Variants in TBC1D3L observed in about 807,000 individuals in gnomAD.
The protein encoded by TBC1D3L is TBC1 domain family, member 3L.
intron 12 of TBC1D3L, 135 bp downstream of exon 12, chr17:37,979,885 T>TAA: frequency 3.2e-6 from 1 of 313,200 alleles, no homozygotes; most frequent in Non-Finnish European, 5.4e-6. Flanking sequence ...TGTACTTTCT[T>TAA]AGAGTCCAGG....
chr17:37,978,361 C>CTTAA lies in TBC1D3L; in HGVS notation c.*105_*108dup. 1 of 911,244 alleles carries CTTAA rather than the reference C, an allele frequency of 1.1e-6. No homozygotes were observed. The highest frequency in any genetic ancestry group is 1.6e-5 in the South Asian group (1 of 64,028). 56.4% of individuals were successfully genotyped at this position (911,244 alleles called of 1,614,324 possible). The stretch of plus-strand genomic sequence containing the variant: ...GAATCTCTCTCGAGCTGCACTCTTT[C>CTTAA]TTAATACATTTTCATAAGTTTAACC... On this transcript the variant is annotated 3_prime_UTR_variant, in exon 13 of 13. Transcript: ENST00000612727.
At chr17:37,981,487 G>GC in intron 9 of TBC1D3L, 69 bp downstream of exon 9, 2 of 27,924 alleles carry the variant, frequency 7.2e-5, no homozygotes, top group Non-Finnish European at 1.2e-4. Context: ...AGGGGCTCCA[G>GC]CCCCCCTGCT....
rs2035752278 is a variant in TBC1D3L, at chr17:37,978,276, TGCTGGGAGGG to T, written c.*184_*193del. On this transcript the variant is annotated 3_prime_UTR_variant, in exon 13 of 13. Coordinates refer to ENST00000612727, the MANE Select transcript of TBC1D3L (RefSeq NM_001369500.1). ...AGAACGATGGTCGTGGGGCTGGGGG[TGCTGGGAGGG>T]GCTGGGCATGGTTGGCTTTGTGATC... is the stretch of plus-strand genomic sequence containing the variant. 2.9e-5 allele frequency: 11 copies of T among 379,004 alleles called. 1 individual carries two copies. Among genetic ancestry groups the T allele is most frequent in the Middle Eastern group, 1.5e-3 (2 of 1,302 alleles). 23.5% of individuals were successfully genotyped at this position (379,004 alleles called of 1,614,324 possible). A position where few individuals can be genotyped will look rare whatever the true frequency, so the allele number is the denominator to read the frequency against.
In TBC1D3L at chr17:37,980,173, C is replaced by CT; in HGVS notation, c.929-2dup. 1 of 459,844 alleles carries CT rather than the reference C, an allele frequency of 2.2e-6. No individual in the cohort carries two copies. Among genetic ancestry groups the CT allele is most frequent in the Non-Finnish European group, 3.5e-6 (1 of 287,816 alleles). 28.5% of individuals were successfully genotyped at this position (459,844 alleles called of 1,614,324 possible). ...CACCTGGACGTCTTCGTGAGGCGCT[C>CT]TAGGGACAGGGTGGATATCAGGCCA... On this transcript the variant is annotated splice_acceptor_variant, in intron 11 of 12. Coordinates refer to ENST00000612727, the MANE Select transcript of TBC1D3L (RefSeq NM_001369500.1). LOFTEE classifies it high-confidence loss of function.
At chr17:37,979,808 CT>C (rs2035763555) in intron 12 of TBC1D3L, among the ~76,000 whole-genome samples, 1 of 25,304 alleles carries the variant, frequency 4.0e-5, no homozygotes, top group Non-Finnish European at 6.3e-5. Flanking sequence ...CCACATCCCC[CT>C]CCTGCGTGCA....
Position 37,980,555 on chromosome 17 carries a change from T to TA in TBC1D3L, c.915dup (p.Lys306Ter). ...CACGTAGACTTACTCTGCTGAACCTTAAAGGCGATTCTTGTTATCGGCATC... is the reference window on the plus strand; with the variant it reads ...CACGTAGACTTACTCTGCTGAACCTTAAAAGGCGATTCTTGTTATCGGCATC... On this transcript the variant is annotated frameshift_variant, in exon 11 of 13. Coordinates refer to ENST00000612727, the MANE Select transcript of TBC1D3L (RefSeq NM_001369500.1). LOFTEE classifies it high-confidence loss of function. The TA allele has an allele frequency of 1.5e-5, 1 of 64,990 alleles. No individual in the cohort carries two copies. The highest frequency in any genetic ancestry group is 2.5e-5 in the Non-Finnish European group (1 of 39,226). The allele number at this position is 64,990 out of a possible 1,614,324, so 4.0% of individuals were successfully genotyped here. A position where few individuals can be genotyped will look rare whatever the true frequency, so the allele number is the denominator to read the frequency against.
chr17:37,981,564 CCA>C lies in TBC1D3L; in HGVS notation c.752_753del (p.Met251ArgfsTer24). The C allele has an allele frequency of 3.2e-5, 1 of 31,236 alleles. No homozygotes were observed. Among genetic ancestry groups the C allele is most frequent in the Non-Finnish European group, 5.3e-5 (1 of 18,770 alleles). 1.9% of individuals were successfully genotyped at this position (31,236 alleles called of 1,614,324 possible). A position where few individuals can be genotyped will look rare whatever the true frequency, so the allele number is the denominator to read the frequency against. On this transcript the variant is annotated frameshift_variant, in exon 9 of 13. Coordinates refer to ENST00000612727, the MANE Select transcript of TBC1D3L (RefSeq NM_001369500.1). LOFTEE classifies it high-confidence loss of function. Reference sequence around the variant, plus strand: ...GGGGACCATAAACTCACCTGATGCCCCATGGTCTTGGGTTGTGACGTGGCTAC... The same window carrying C: ...GGGGACCATAAACTCACCTGATGCCCTGGTCTTGGGTTGTGACGTGGCTAC... ...HVVATSQPKTMGHQDKKDLCG... is the reference protein window; with the variant it reads ...HVVATSQPKTXGHQDKKDLCG...
Position 37,978,171 on chromosome 17 carries a change from CATTT to C in TBC1D3L, c.*295_*298del, listed in dbSNP as rs2035751066. ...AATCTAAAATCATTTCAACAGGAAA[CATTT>C]ATTTCAAAACATGAAGGTGGTTATC... is the stretch of plus-strand genomic sequence containing the variant. On this transcript the variant is annotated 3_prime_UTR_variant, in exon 13 of 13. Transcript: ENST00000612727. 1 of 233,644 alleles carries C rather than the reference CATTT, an allele frequency of 4.3e-6. No individual in the cohort carries two copies. The highest frequency in any genetic ancestry group is 6.2e-5 in the East Asian group (1 of 16,032). 14.5% of individuals were successfully genotyped at this position (233,644 alleles called of 1,614,324 possible).
rs2143983454 is a variant in TBC1D3L at position 37,978,760 on chromosome 17, AG to A, written c.1359del (p.Ser454ProfsTer11). 4 of 489,880 alleles carry A rather than the reference AG, an allele frequency of 8.2e-6. No individual in the cohort carries two copies. In the East Asian group the frequency reaches 1.2e-4, roughly 15 times the overall value. The allele number at this position is 489,880 out of a possible 1,614,324, so 30.3% of individuals were successfully genotyped here. A position where few individuals can be genotyped will look rare whatever the true frequency, so the allele number is the denominator to read the frequency against. On this transcript the variant is annotated frameshift_variant, in exon 13 of 13. Transcript: ENST00000612727. LOFTEE classifies it high-confidence loss of function. ...AGGTCCGTTGGGAGGCGGGGCATGG[AG>A]TTCCACTGCAGGAATCTCCAGGAAC... ...PQGSWRFLQW[N>X]SMPRLPTDLD...
Position 37,978,283 on chromosome 17 carries a change from AGGGGCT to A in TBC1D3L, c.*181_*186del. On this transcript the variant is annotated 3_prime_UTR_variant, in exon 13 of 13. Transcript: ENST00000612727. Reference sequence around the variant, plus strand: ...TGGTCGTGGGGCTGGGGGTGCTGGGAGGGGCTGGGCATGGTTGGCTTTGTGATCTGG... The same window carrying A: ...TGGTCGTGGGGCTGGGGGTGCTGGGAGGGCATGGTTGGCTTTGTGATCTGG... 1 of 385,980 alleles carries A rather than the reference AGGGGCT, an allele frequency of 2.6e-6. No individual in the cohort carries two copies. The highest frequency in any genetic ancestry group is 2.5e-5 in the South Asian group (1 of 40,414). 23.9% of individuals were successfully genotyped at this position (385,980 alleles called of 1,614,324 possible). A position where few individuals can be genotyped will look rare whatever the true frequency, so the allele number is the denominator to read the frequency against.
chr17:37,979,885 T>TA lies in TBC1D3L; in HGVS notation c.1081+134dup, dbSNP rs1395842113. 242 of 313,192 alleles carry TA rather than the reference T, an allele frequency of 7.7e-4. 26 individuals carry two copies. The highest frequency in any genetic ancestry group is 4.9e-3 in the South Asian group (195 of 39,906). 19.4% of individuals were successfully genotyped at this position (313,192 alleles called of 1,614,324 possible). A position where few individuals can be genotyped will look rare whatever the true frequency, so the allele number is the denominator to read the frequency against. On this transcript the variant is annotated intron_variant, in intron 12 of 12. Coordinates refer to ENST00000612727, the MANE Select transcript of TBC1D3L (RefSeq NM_001369500.1). ...GACCGGTGGGCCTCCTGTACTTTCT[T>TA]AGAGTCCAGGAGGAAGAGGAGGAAG...
rs2035765151 is a variant in TBC1D3L at position 37,979,932 on chromosome 17, AGGTAGTAGGGTTGCGGGTCCCG to A, written c.1081+66_1081+87del. On this transcript the variant is annotated intron_variant, in intron 12 of 12. Coordinates refer to ENST00000612727, the MANE Select transcript of TBC1D3L (RefSeq NM_001369500.1). ...GAAGAAAAGGTGAAGAGGAAGGCCC[AGGTAGTAGGGTTGCGGGTCCCG>A]GGCACTCCCCTACTACTGACTACCC... 1.6e-5 allele frequency: 8 copies of A among 486,772 alleles called. 1 individual carries two copies. Among genetic ancestry groups the A allele is most frequent in the Non-Finnish European group, 2.0e-5 (6 of 294,882 alleles). The allele number at this position is 486,772 out of a possible 1,614,324, so 30.2% of individuals were successfully genotyped here.
At chr17:37,979,979 CCAGAGGG>C (rs2035766064) in intron 12 of TBC1D3L, 34 bp downstream of exon 12, 1 of 1,447,524 alleles carries the variant, frequency 6.9e-7, no homozygotes, top group South Asian at 1.2e-5. Flanking sequence ...ACTGACTACC[CCAGAGGG>C]TGACATGGGA....
chr17:37,978,338 ATC>A lies in TBC1D3L; in HGVS notation c.*130_*131del. ...GGGGTCTGGTGTGTTCCATCTCTGA[ATC>A]TCTCTCGAGCTGCACTCTTTCTTAA... On this transcript the variant is annotated 3_prime_UTR_variant, in exon 13 of 13. Coordinates refer to ENST00000612727, the MANE Select transcript of TBC1D3L (RefSeq NM_001369500.1). 1 of 707,514 alleles carries A rather than the reference ATC, an allele frequency of 1.4e-6. No homozygotes were observed. Among genetic ancestry groups the A allele is most frequent in the Non-Finnish European group, 2.0e-6 (1 of 508,592 alleles). The allele number at this position is 707,514 out of a possible 1,614,324, so 43.8% of individuals were successfully genotyped here. A position where few individuals can be genotyped will look rare whatever the true frequency, so the allele number is the denominator to read the frequency against.
Position 37,980,623 on chromosome 17 carries a change from AG to A in TBC1D3L, c.847del (p.Leu283CysfsTer9). On this transcript the variant is annotated frameshift_variant, in exon 11 of 13. Coordinates refer to ENST00000612727, the MANE Select transcript of TBC1D3L (RefSeq NM_001369500.1). LOFTEE classifies it high-confidence loss of function. ...TACCAGATACACGTCCCACAGGCGC[AG>A]GGTGAGCCCGAGAGAGATCTGTGGG... ...LIDGISLGLTLRLWDVYLVEG... is the reference protein window; with the variant it reads ...LIDGISLGLTXRLWDVYLVEG... 2.3e-5 allele frequency: 1 copy of A among 44,402 alleles called. No homozygotes were observed. Among genetic ancestry groups the A allele is most frequent in the Non-Finnish European group, 3.7e-5 (1 of 26,936 alleles). 2.8% of individuals were successfully genotyped at this position (44,402 alleles called of 1,614,324 possible). A position where few individuals can be genotyped will look rare whatever the true frequency, so the allele number is the denominator to read the frequency against.
Position 37,980,127 on chromosome 17 carries a change from CA to C in TBC1D3L, c.973del (p.Cys325AlafsTer23). On this transcript the variant is annotated frameshift_variant, in exon 12 of 13. Coordinates refer to ENST00000612727, the MANE Select transcript of TBC1D3L (RefSeq NM_001369500.1). LOFTEE classifies it high-confidence loss of function. ...GGCCCAGGTATCAACGAACCGGTTG[CA>C]AAAACGTGCCCACGGGCCACACCTG... The part of the protein sequence containing the change: ...TSRCGPWARF[C>X]NRFVDTWARD... 7.1e-7 allele frequency: 1 copy of C among 1,404,372 alleles called. No homozygotes were observed. The highest frequency in any genetic ancestry group is 9.3e-7 in the Non-Finnish European group (1 of 1,080,478). 87.0% of individuals were successfully genotyped at this position (1,404,372 alleles called of 1,614,324 possible). A position where few individuals can be genotyped will look rare whatever the true frequency, so the allele number is the denominator to read the frequency against.
At chr17:37,980,202 G>GC in intron 11 of TBC1D3L, 30 bp from the exon 12 acceptor site, 1 of 409,318 alleles carries the variant, frequency 2.4e-6, no homozygotes, top group Non-Finnish European at 4.0e-6. Flanking sequence ...CAGGCCAGGG[G>GC]AGTTACCTGG....
At chr17:37,980,765 C>CTGCGCACA in intron 10 of TBC1D3L, 123 bp from the exon 11 acceptor site, 1 of 5,196 alleles carries the variant, frequency 1.9e-4, no homozygotes, top group South Asian at 1.2e-3. Context: ...TCGCCTGAGC[C>CTGCGCACA]CTCCAGGACG....
In TBC1D3L at chr17:37,979,051, CAG is replaced by C; in HGVS notation, c.1082-15_1082-14del. The C allele has an allele frequency of 4.4e-6, 1 of 228,332 alleles. No homozygotes were observed. Among genetic ancestry groups the C allele is most frequent in the South Asian group, 2.8e-5 (1 of 35,720 alleles). The allele number at this position is 228,332 out of a possible 1,614,324, so 14.1% of individuals were successfully genotyped here. A position where few individuals can be genotyped will look rare whatever the true frequency, so the allele number is the denominator to read the frequency against. On this transcript the variant is annotated splice_polypyrimidine_tract_variant and intron_variant, in intron 12 of 12. Coordinates refer to ENST00000612727, the MANE Select transcript of TBC1D3L (RefSeq NM_001369500.1). ...TGCTCGGGTTTGGCTGAAAGGAAAA[CAG>C]ACGCGGTCAGCATCTCCAGTGAGCC...
Sources: gnomAD v4.1 joint callset for allele counts (sites outside exome capture counted in the v4.1 genomes callset) on GRCh38, gnomAD v4.1.1 for gene constraint, MANE v1.5 for transcripts, NCBI Gene and HGNC (gene_info 2026-07-23, HGNC 2026-07-21) for gene names.